The following DLGAP1 variants were observed in gnomAD, a reference collection of about 807,000 sequenced individuals.
The protein encoded by DLGAP1 is DLG associated protein 1.
In DLGAP1, 11 loss-of-function variants were observed where a neutral mutation model predicts 90.8. That is an observed-to-expected ratio of 0.12 (90% CI 0.08 to 0.20). The LOEUF is 0.20. Among genes scored for constraint, DLGAP1 ranks in the 10% least tolerant of loss-of-function variants. The pLI, the probability that DLGAP1 is intolerant of heterozygous loss-of-function variation, is 1.00. For synonymous variants in DLGAP1, 558 were observed against 540.7 expected (o/e 1.03, Z -0.44); for missense variants, 1,050 against 1,333.8 (o/e 0.79, Z 3.31).
At chr18:4,040,758 A>G (rs1297467808) in intron 2 of DLGAP1, among the ~76,000 whole-genome samples, 1 of 152,244 alleles carries the variant, frequency 6.6e-6, no homozygotes, top group Non-Finnish European at 1.5e-5. Context: ...AAAATCTGCT[A>G]CAAGCATAGG....
At chr18:4,085,621 T>C (rs2075671174) in intron 2 of DLGAP1, among the ~76,000 whole-genome samples, 1 of 152,244 alleles carries the variant, frequency 6.6e-6, no homozygotes, top group Non-Finnish European at 1.5e-5. Context: ...TTACAAACTT[T>C]ACAAGTCTGT....
At chr18:4,310,025 T>C (rs1425389313) in intron 1 of DLGAP1, among the ~76,000 whole-genome samples, 2 of 152,168 alleles carry the variant, frequency 1.3e-5, no homozygotes, top group African/African-American at 4.8e-5. Context: ...GGACTAAATA[T>C]TGTGTGATCT....
intron 2 of DLGAP1, among the ~76,000 whole-genome samples, chr18:4,087,565 C>G (rs552662740): frequency 6.6e-6 from 1 of 152,206 alleles, no homozygotes; most frequent in African/African-American, 2.4e-5. Flanking sequence ...GTGGGTAAAT[C>G]TCTGTTCAAG....
At chr18:3,986,414 C>CTT in intron 3 of DLGAP1, 4 of 148,052 alleles carry the variant, frequency 2.7e-5, no homozygotes, top group African/African-American at 5.0e-5. Context: ...TTTGATTTAA[C>CTT]TTTTTTTTTT....
intron 3 of DLGAP1, among the ~76,000 whole-genome samples, chr18:3,925,962 G>A (rs1350180291): frequency 6.6e-6 from 1 of 152,014 alleles, no homozygotes; most frequent in African/African-American, 2.4e-5. Context: ...ACAGCAATTC[G>A]GAATCATACT....
intron 10 of DLGAP1, among the ~76,000 whole-genome samples, chr18:3,523,740 T>C (rs1413445913): frequency 6.7e-6 from 1 of 149,672 alleles, no homozygotes; most frequent in Non-Finnish European, 1.5e-5. Flanking sequence ...CCAGCTACAC[T>C]GGGAGGCTGA....
intron 4 of DLGAP1, among the ~76,000 whole-genome samples, chr18:3,846,361 G>A (rs1287733853): frequency 6.6e-6 from 1 of 152,140 alleles, no homozygotes; most frequent in Non-Finnish European, 1.5e-5. Flanking sequence ...AATAAGAAAT[G>A]ATAAGGAAAA....
rs58862252 is a variant in DLGAP1, at chr18:3,639,755, C to CTTTTTTTTTTTT, written c.1592-57519_1592-57508dup. Among the ~76,000 whole-genome samples the CTTTTTTTTTTTT allele has an allele frequency of 2.9e-3, 341 of 118,242 alleles. 16 individuals are homozygous for CTTTTTTTTTTTT. Among genetic ancestry groups the CTTTTTTTTTTTT allele is most frequent in the South Asian group, 9.3e-3 (36 of 3,858 alleles). 77.6% of individuals were successfully genotyped at this position (118,242 alleles called of 152,430 possible). A position where few individuals can be genotyped will look rare whatever the true frequency, so the allele number is the denominator to read the frequency against. Reference sequence around the variant, plus strand: ...GTTCTCCTGCTACCTGCAGAGTTGCCTTTTTTTTTTTTTTTTTGAGACAGA... The same window carrying CTTTTTTTTTTTT: ...GTTCTCCTGCTACCTGCAGAGTTGCCTTTTTTTTTTTTTTTTTTTTTTTTTTTTTGAGACAGA... On this transcript the variant is annotated intron_variant, in intron 7 of 12. Coordinates refer to ENST00000315677, the MANE Select transcript of DLGAP1 (RefSeq NM_004746.4).
At position 3,956,927 on chromosome 18, in the gene DLGAP1, C is replaced by T. The variant is rs146791111; in HGVS notation, c.-73+48189G>A. Among the ~76,000 whole-genome samples the T allele has an allele frequency of 6.3e-3, 957 of 152,312 alleles. 58 individuals carry two copies. The East Asian group carries it at 0.14, about 23-fold the overall frequency. On this transcript the variant is annotated intron_variant, in intron 3 of 12. Transcript: ENST00000315677. Reference sequence around the variant, plus strand: ...TCAGCCTCCCAAAGTGCCGGGATTACAGGCATGAGCCACCACACTCTGCCA... The same window carrying T: ...TCAGCCTCCCAAAGTGCCGGGATTATAGGCATGAGCCACCACACTCTGCCA...
intron 1 of DLGAP1, among the ~76,000 whole-genome samples, chr18:4,386,467 T>C (rs2082232645): frequency 6.6e-6 from 1 of 152,228 alleles, no homozygotes; most frequent in Admixed American, 6.5e-5. Context: ...TGGCAAATTA[T>C]CAAATATAAC....
chr18:3,806,958 T>A (rs1405924491), intron 5 of DLGAP1, among the ~76,000 whole-genome samples: 2 of 152,198 alleles, frequency 1.3e-5, no homozygotes, highest in Non-Finnish European at 2.9e-5. Flanking sequence ...TTCATTATTG[T>A]ATTAGTCTCC....
rs1020499368 is a variant in DLGAP1 at position 4,148,788 on chromosome 18, G to C, written c.-159+2392C>G. Among the ~76,000 whole-genome samples the C allele has an allele frequency of 5.3e-5, 8 of 151,402 alleles. No individual in the cohort carries two copies. The South Asian group carries it at 8.4e-4, about 16-fold the overall frequency. On this transcript the variant is annotated intron_variant, in intron 2 of 12. Transcript: ENST00000315677. ...TCACTTTAAATGTTTGTTGTTGTCT[G>C]TTTTATTTTTAATAGCTGCTCCTTA...
chr18:3,754,291 C>T lies in DLGAP1; in HGVS notation c.1173-11779G>A, dbSNP rs184991698. Among the ~76,000 whole-genome samples the T allele has an allele frequency of 7.6e-4, 115 of 152,176 alleles. 2 individuals carry two copies. The East Asian group carries it at 0.021, about 28-fold the overall frequency. ...TGCTGAAATTACACGCATGAGCCAC[C>T]GTACTCAGCCTCCTACTTCAAATAA... is the stretch of plus-strand genomic sequence containing the variant. On this transcript the variant is annotated intron_variant, in intron 5 of 12. Transcript: ENST00000315677.
At chr18:4,125,554 A>G (rs952397569) in intron 2 of DLGAP1, among the ~76,000 whole-genome samples, 1 of 152,216 alleles carries the variant, frequency 6.6e-6, no homozygotes, top group Non-Finnish European at 1.5e-5. Flanking sequence ...TGGAGACTCA[A>G]GAGGCAGGTC....
At chr18:3,763,277 C>T (rs1423510894) in intron 5 of DLGAP1, among the ~76,000 whole-genome samples, 1 of 152,198 alleles carries the variant, frequency 6.6e-6, no homozygotes, top group African/African-American at 2.4e-5. Context: ...TACCCTTGAA[C>T]ATCGGCCTCC....
At chr18:4,231,347 C>T (rs936081138) in intron 1 of DLGAP1, among the ~76,000 whole-genome samples, 1 of 152,146 alleles carries the variant, frequency 6.6e-6, no homozygotes, top group African/African-American at 2.4e-5. Flanking sequence ...CTGCCCTGCT[C>T]TGGAAGCCTG....
chr18:3,588,637 A>G (rs554869130), intron 7 of DLGAP1, among the ~76,000 whole-genome samples: 1 of 150,902 alleles, frequency 6.6e-6, no homozygotes, highest in South Asian at 2.1e-4. Flanking sequence ...AAAATTAGCC[A>G]GGCGTGGTGG....
intron 2 of DLGAP1, among the ~76,000 whole-genome samples, chr18:4,022,527 C>A (rs4798157): frequency 0.27 from 41,370 of 151,774 alleles, 6,413 homozygotes; most frequent in South Asian, 0.41. Context: ...CTTATTCAAC[C>A]CTGTTTTTAA....
intron 1 of DLGAP1, among the ~76,000 whole-genome samples, chr18:4,389,671 G>T (rs1317588546): frequency 6.6e-6 from 1 of 152,092 alleles, no homozygotes; most frequent in Non-Finnish European, 1.5e-5. Flanking sequence ...AATGGGATGT[G>T]TACCTTTTAT....
Sources: allele counts gnomAD v4.1 joint callset (sites outside exome capture counted in the v4.1 genomes callset), GRCh38; gene constraint gnomAD v4.1.1; transcripts MANE v1.5; gene names NCBI Gene and HGNC (gene_info 2026-07-23, HGNC 2026-07-21).